Variants in RIMS1 observed in about 807,000 individuals in gnomAD.
The protein encoded by RIMS1 is regulating synaptic membrane exocytosis 1.
In RIMS1, 83 loss-of-function variants were observed where a neutral mutation model predicts 214.1. The observed-to-expected ratio is 0.39, with a 90% CI of 0.32 to 0.47. The LOEUF is 0.47. Ranked by LOEUF, RIMS1 falls within the 20% of genes least tolerant of loss-of-function variation. The pLI is 0.99. For missense variants in RIMS1, 2,050 were observed against 2,161.8 expected (o/e 0.95, Z 1.03); for synonymous variants, 793 against 786.8 (o/e 1.01, Z -0.13).
intron 1 of RIMS1, among the ~76,000 whole-genome samples, chr6:71,892,098 G>A (rs372571168): frequency 2.0e-5 from 3 of 152,170 alleles, no homozygotes; most frequent in African/African-American, 4.8e-5. Context: ...CCTGAGGCAC[G>A]TGGCAGCTAG....
At chr6:72,091,557 T>C (rs1452690415) in intron 2 of RIMS1, among the ~76,000 whole-genome samples, 2 of 152,216 alleles carry the variant, frequency 1.3e-5, no homozygotes, top group East Asian at 3.8e-4. Flanking sequence ...TAATATTTAG[T>C]TTTTTAGGCA....
chr6:72,287,676 G>A (rs1009492181), intron 24 of RIMS1, among the ~76,000 whole-genome samples: 14 of 151,276 alleles, frequency 9.3e-5, no homozygotes, highest in African/African-American at 3.2e-4. Context: ...GCTCACTGCA[G>A]CCTCTGCCTC....
chr6:72,012,251 GT>G (rs1312335975), intron 2 of RIMS1, among the ~76,000 whole-genome samples: 6 of 152,002 alleles, frequency 3.9e-5, no homozygotes, highest in Admixed American at 1.3e-4. Flanking sequence ...AACACCGCAT[GT>G]TGTCACTCAT....
chr6:72,150,467 C>G (rs1004569915), intron 4 of RIMS1, among the ~76,000 whole-genome samples: 3 of 152,160 alleles, frequency 2.0e-5, no homozygotes, highest in Non-Finnish European at 4.4e-5. Flanking sequence ...CCACTATTAT[C>G]AGGACATAAG....
intron 4 of RIMS1, among the ~76,000 whole-genome samples, chr6:72,172,892 C>G (rs752819032): frequency 2.0e-5 from 3 of 152,122 alleles, no homozygotes; most frequent in African/African-American, 7.2e-5. Flanking sequence ...TCCTCCTGCT[C>G]GAAATTTCTC....
chr6:72,232,286 A>G (rs144671671), intron 6 of RIMS1, among the ~76,000 whole-genome samples: 162 of 151,844 alleles, frequency 1.1e-3, no homozygotes, highest in African/African-American at 3.9e-3. Context: ...CTTTTGAATT[A>G]TAACATTTGT....
At chr6:72,167,907 T>C (rs2046487659) in intron 4 of RIMS1, among the ~76,000 whole-genome samples, 1 of 151,704 alleles carries the variant, frequency 6.6e-6, no homozygotes, top group East Asian at 1.9e-4. Flanking sequence ...GGTTTTATTT[T>C]TTTTTTTAGT....
Position 72,353,112 on chromosome 6 carries a change from G to A in RIMS1, c.4366+19277G>A, listed in dbSNP as rs143523686. On this transcript the variant is annotated intron_variant, in intron 29 of 33. Coordinates refer to ENST00000521978, the MANE Select transcript of RIMS1 (RefSeq NM_014989.7). Reference sequence around the variant, plus strand: ...TTCAAGTGATTCTCCTGCCTCCTGAGTAGCTGGGATTACAGGCACCCACTA... The same window carrying A: ...TTCAAGTGATTCTCCTGCCTCCTGAATAGCTGGGATTACAGGCACCCACTA... 4.5e-3 allele frequency among the ~76,000 whole-genome samples: 674 copies of A among 149,354 alleles called. 2 individuals carry two copies. Among genetic ancestry groups the A allele is most frequent in the South Asian group, 7.2e-3 (34 of 4,690 alleles).
At chr6:72,120,032 T>G (rs1562357049) in intron 4 of RIMS1, among the ~76,000 whole-genome samples, 1 of 151,982 alleles carries the variant, frequency 6.6e-6, no homozygotes, top group African/African-American at 2.4e-5. Context: ...ATGGGCCACA[T>G]TTTCTTAATC....
intron 8 of RIMS1, among the ~76,000 whole-genome samples, 199 bp from the exon 9 acceptor site, chr6:72,237,624 T>C (rs538939889): frequency 1.3e-5 from 2 of 151,254 alleles, no homozygotes; most frequent in African/African-American, 4.9e-5. Flanking sequence ...TGCAGTGAGC[T>C]GTGATCATGC....
intron 26 of RIMS1, among the ~76,000 whole-genome samples, chr6:72,304,955 AT>A (rs70994120): frequency 0.078 from 11,790 of 151,226 alleles, 587 homozygotes; most frequent in South Asian, 0.13. Context: ...TAATTTGGAG[AT>A]TTTTTTTTCC....
chr6:72,015,090 C>T (rs1039419561), intron 2 of RIMS1, among the ~76,000 whole-genome samples: 1 of 151,912 alleles, frequency 6.6e-6, no homozygotes, highest in African/African-American at 2.4e-5. Context: ...CAAGGAGATA[C>T]CTTGGGGATG....
chr6:72,362,787 A>G (rs1394182850), intron 29 of RIMS1, among the ~76,000 whole-genome samples: 3 of 152,168 alleles, frequency 2.0e-5, no homozygotes, highest in Non-Finnish European at 4.4e-5. Flanking sequence ...TTTTCCCTAT[A>G]GTTCAGTTGT....
chr6:71,964,473 C>A (rs1421495627), intron 1 of RIMS1, among the ~76,000 whole-genome samples: 1 of 152,122 alleles, frequency 6.6e-6, no homozygotes, highest in Non-Finnish European at 1.5e-5. Context: ...AAATGAAAGA[C>A]AATATTGGCT....
intron 2 of RIMS1, among the ~76,000 whole-genome samples, chr6:72,052,906 G>A (rs997907895): frequency 5.9e-5 from 9 of 152,106 alleles, no homozygotes; most frequent in African/African-American, 1.9e-4. Flanking sequence ...ACAAGCTGGT[G>A]GGGAATTTGC....
chr6:72,118,614 A>C (rs1206215995), intron 4 of RIMS1, among the ~76,000 whole-genome samples: 1 of 151,820 alleles, frequency 6.6e-6, no homozygotes. Flanking sequence ...CATATCAAAA[A>C]GATAATACAT....
chr6:72,262,947 T>C (rs952884917), intron 19 of RIMS1: 4 of 478,808 alleles, frequency 8.4e-6, no homozygotes, highest in Non-Finnish European at 1.1e-5. Flanking sequence ...TTCCTGACAA[T>C]AATTATATGT....
Position 72,182,876 on chromosome 6 carries a change from C to G in RIMS1, c.1405C>G (p.Pro469Ala), listed in dbSNP as rs773912494. ...AGCCCCGGAGCTCAAAGCCCAGGAG[C>G]CCCTCAGGAAGCAGAGCCGCCTGGA... ...AEAPELKAQE[P>A]LRKQSRLDPS... Residue 469 changes from proline (P) to alanine (A), a missense_variant, in exon 6 of 34, where the codon CCC becomes GCC. Around this residue, in one of 6 missense-constraint regions of RIMS1, gnomAD observed 882 missense variants for 828.9 expected, o/e 1.06. Transcript: ENST00000521978. 12 of 1,563,550 alleles carry G rather than the reference C, an allele frequency of 7.7e-6. No individual in the cohort carries two copies. In the African/African-American group the frequency reaches 1.5e-4, roughly 19 times the overall value.
At chr6:72,160,631 A>G (rs1380168460) in intron 4 of RIMS1, among the ~76,000 whole-genome samples, 1 of 140,622 alleles carries the variant, frequency 7.1e-6, no homozygotes, top group East Asian at 2.0e-4. Context: ...TTCTGCATCT[A>G]TTGAGATAAT....
Sources: allele counts gnomAD v4.1 joint callset (sites outside exome capture counted in the v4.1 genomes callset), GRCh38; gene constraint gnomAD v4.1.1; regional missense constraint gnomAD v4.1.1; transcripts MANE v1.5; gene names NCBI Gene and HGNC (gene_info 2026-07-23, HGNC 2026-07-21).